CEMIP2: variants seen among roughly 807,000 people sequenced by gnomAD.
CEMIP2 encodes cell surface hyaluronidase CEMIP2.
CEMIP2 carries 79 observed loss-of-function variants against 146.9 expected under a neutral mutation model. The observed-to-expected ratio is 0.54, with a 90% CI of 0.45 to 0.65. The LOEUF (loss-of-function observed/expected upper bound fraction) is 0.65. Ranked by LOEUF, CEMIP2 falls within the 30% of genes least tolerant of loss-of-function variation. The probability of loss-of-function intolerance (pLI) is 0.00; values close to 1 mark genes in which losing one functional copy is unlikely to be tolerated. For synonymous variants in CEMIP2, 601 were observed against 606.3 expected (o/e 0.99, Z 0.13); for missense variants, 1,596 against 1,696.2 (o/e 0.94, Z 1.04).
chr9:71,704,321 T>G, intron 18 of CEMIP2: 1 of 422,756 alleles, frequency 2.4e-6, no homozygotes, highest in Non-Finnish European at 4.4e-6. Context: ...CTAGAGGGAA[T>G]TAAAGCATTC....
chr9:71,685,153 A>C lies in CEMIP2; in HGVS notation c.*44T>G. On this transcript the variant is annotated 3_prime_UTR_variant, in exon 24 of 24. Coordinates refer to ENST00000377044, the MANE Select transcript of CEMIP2 (RefSeq NM_013390.3). ...TAAAATGCCATAAATTAAATAAGTT[A>C]GTTCACATTTTTTTTCCCCCAGCAC... The C allele has an allele frequency of 2.7e-6, 4 of 1,490,058 alleles. No homozygotes were observed. Among genetic ancestry groups the C allele is most frequent in the African/African-American group, 1.4e-5 (1 of 71,278 alleles). 92.3% of individuals were successfully genotyped at this position (1,490,058 alleles called of 1,614,324 possible).
rs1822932840 is a variant in CEMIP2, at chr9:71,712,403, T to TTCAAAACAA, written c.2592-144_2592-143insTTGTTTTGA. 1.2e-4 allele frequency: 84 copies of TTCAAAACAA among 693,508 alleles called. No individual in the cohort carries two copies. In the South Asian group the frequency reaches 1.6e-3, roughly 13 times the overall value. The allele number at this position is 693,508 out of a possible 1,614,324, so 43.0% of individuals were successfully genotyped here. On this transcript the variant is annotated intron_variant, in intron 15 of 23. Transcript: ENST00000377044. ...ACAGTAGGAGCCAAAACAAGATACC[T>TTCAAAACAA]GATTGAATGAAACATATGCTGTAGT...
chr9:71,727,355 T>C (rs527591580), intron 10 of CEMIP2, among the ~76,000 whole-genome samples: 1 of 152,274 alleles, frequency 6.6e-6, no homozygotes, highest in East Asian at 1.9e-4. Flanking sequence ...ACTCAAAAAC[T>C]CACTTTCCAG....
At chr9:71,730,017 T>A in intron 9 of CEMIP2, 31 bp downstream of exon 9, 1 of 1,613,964 alleles carries the variant, frequency 6.2e-7, no homozygotes, top group Non-Finnish European at 8.5e-7. Flanking sequence ...AGGCCCTGAC[T>A]CATGGGTTTT....
intron 2 of CEMIP2, among the ~76,000 whole-genome samples, chr9:71,746,992 C>G (rs1453222413): frequency 6.6e-6 from 1 of 152,180 alleles, no homozygotes. Flanking sequence ...GAGTGATACG[C>G]AAGTTTCCCC....
At chr9:71,730,987 A>G in intron 7 of CEMIP2, 73 bp from the exon 8 acceptor site, 2 of 1,223,914 alleles carry the variant, frequency 1.6e-6, no homozygotes, top group Admixed American at 1.8e-5. Flanking sequence ...TTGTTCTAGT[A>G]GAAAACATCC....
At chr9:71,687,462 C>CTCTG (rs148162501) in intron 22 of CEMIP2, 8 of 141,434 alleles carry the variant, frequency 5.7e-5, no homozygotes, top group African/African-American at 2.2e-4. Context: ...TATTTATTTT[C>CTCTG]TGTGTGTGTG....
intron 19 of CEMIP2, among the ~76,000 whole-genome samples, chr9:71,700,179 G>A (rs1160321179): frequency 6.6e-6 from 1 of 152,136 alleles, no homozygotes; most frequent in African/African-American, 2.4e-5. Context: ...ATTAAAAAGT[G>A]GAAAGATGCA....
chr9:71,757,073 T>G (rs1331955073), intron 1 of CEMIP2, among the ~76,000 whole-genome samples: 1 of 152,198 alleles, frequency 6.6e-6, no homozygotes, highest in Non-Finnish European at 1.5e-5. Flanking sequence ...ATCACTTACA[T>G]GGTGGTTGAG....
In CEMIP2 at chr9:71,694,525, T is replaced by C. The variant is rs764599930; in HGVS notation, c.3680A>G (p.Asp1227Gly). Reference sequence around the variant, plus strand: ...GGTACTTACAGAAATAACAGACGGGTCTCCACGCTGGGTTTCTGCTTTATC... The same window carrying C: ...GGTACTTACAGAAATAACAGACGGGCCTCCACGCTGGGTTTCTGCTTTATC... ...SPDKAETQRG[D>G]PSVISVNGTD... Residue 1227 changes from aspartate (D) to glycine (G), a missense_variant, in exon 21 of 24, where the codon GAC becomes GGC. By Grantham distance (94) the Asp-to-Gly change is moderately conservative. Coordinates refer to ENST00000377044, the MANE Select transcript of CEMIP2 (RefSeq NM_013390.3). 1 of 1,613,408 alleles carries C rather than the reference T, an allele frequency of 6.2e-7. No homozygotes were observed. The highest frequency in any genetic ancestry group is 1.7e-5 in the Admixed American group (1 of 59,964).
intron 23 of CEMIP2, 102 bp downstream of exon 23, chr9:71,685,641 A>C (rs1822038515): frequency 1.0e-6 from 1 of 993,520 alleles, no homozygotes; most frequent in Admixed American, 2.2e-5. Context: ...TACCCACTCC[A>C]GCAAACAAGC....
intron 12 of CEMIP2, among the ~76,000 whole-genome samples, chr9:71,718,359 C>CA (rs1361238475): frequency 3.3e-5 from 5 of 151,824 alleles, no homozygotes; most frequent in South Asian, 2.1e-4. Flanking sequence ...AAATCATTTC[C>CA]AAAAAAACCC....
chr9:71,694,910 G>A (rs1822349809), intron 20 of CEMIP2, among the ~76,000 whole-genome samples: 1 of 151,992 alleles, frequency 6.6e-6, no homozygotes, highest in Non-Finnish European at 1.5e-5. Flanking sequence ...AACATTTTAT[G>A]GAAAAACAGG....
intron 20 of CEMIP2, 62 bp downstream of exon 20, chr9:71,697,923 A>G (rs953647477): frequency 2.0e-6 from 3 of 1,516,868 alleles, no homozygotes; most frequent in Non-Finnish European, 2.7e-6. Context: ...AAGTGCTCCT[A>G]TTGCAAAGAA....
At chr9:71,740,358 T>C in intron 4 of CEMIP2, 126 bp from the exon 5 acceptor site, 1 of 1,172,726 alleles carries the variant, frequency 8.5e-7, no homozygotes, top group South Asian at 1.5e-5. Flanking sequence ...CTAATGTTTT[T>C]TCTATATGAG....
Position 71,740,146 on chromosome 9 carries a change from C to A in CEMIP2, c.1121G>T (p.Gly374Val). 6.2e-7 allele frequency: 1 copy of A among 1,614,102 alleles called. No homozygotes were observed. ...SVRNYENHSS[G>V]GKALAQREFY... ...TTCTCTTTGGGCAAGAGCCTTCCCG[C>A]CACTGCTATGATTTTCATAGTTTCT... Residue 374 changes from glycine (G) to valine (V), a missense_variant, in exon 5 of 24, where the codon GGC (glycine) becomes GTC (valine). Physicochemically the swap from Gly to Val is moderately radical, Grantham distance 109. Transcript: ENST00000377044.
At chr9:71,687,838 C>G (rs1281108333) in intron 22 of CEMIP2, among the ~76,000 whole-genome samples, 2 of 152,024 alleles carry the variant, frequency 1.3e-5, no homozygotes, top group Non-Finnish European at 2.9e-5. Context: ...TGCACTCCAG[C>G]CTGGGCAACT....
intron 15 of CEMIP2, 134 bp downstream of exon 15, chr9:71,714,800 T>C: frequency 1.2e-6 from 1 of 819,174 alleles, no homozygotes; most frequent in African/African-American, 1.7e-5. Flanking sequence ...GCAGTAGTAG[T>C]AATAAATGAT....
intron 1 of CEMIP2, among the ~76,000 whole-genome samples, chr9:71,758,171 C>G (rs62544883): frequency 6.6e-6 from 1 of 152,044 alleles, no homozygotes; most frequent in East Asian, 1.9e-4. Flanking sequence ...TATGAGAAAA[C>G]GGACATATGG....
Sources: gnomAD v4.1 joint callset for allele counts (sites outside exome capture counted in the v4.1 genomes callset) on GRCh38, gnomAD v4.1.1 for gene constraint, MANE v1.5 for transcripts, NCBI Gene and HGNC (gene_info 2026-07-23, HGNC 2026-07-21) for gene names.